Variants in NARS2 observed in about 807,000 individuals in gnomAD.
NARS2 encodes asparaginyl-tRNA synthetase 2, mitochondrial, also known as asparaginyl-tRNA synthetase.
A neutral mutation model predicts 62.9 loss-of-function variants in NARS2; 60 were observed. The observed-to-expected ratio is 0.95, with a 90% confidence interval of 0.77 to 1.18. The LOEUF is 1.18. NARS2 is among the 50% of genes most tolerant of loss of function. NARS2 has a pLI of 0.00. For missense variants in NARS2, 619 were observed against 576.4 expected, an observed-to-expected ratio of 1.07 and a Z score of -0.76; for synonymous variants, 196 against 200.0, an observed-to-expected ratio of 0.98 and a Z score of 0.17.
chr11:78,475,619 G>T (rs566387903), intron 9 of NARS2, among the ~76,000 whole-genome samples: 22 of 119,522 alleles, frequency 1.8e-4, no homozygotes, highest in African/African-American at 7.0e-4. Flanking sequence ...TTGAGACAAG[G>T]TCTTGCTCTG....
At chr11:78,559,735 C>A in intron 4 of NARS2, 116 bp from the exon 5 acceptor site, 1 of 663,734 alleles carries the variant, frequency 1.5e-6, no homozygotes, top group South Asian at 1.9e-5. Flanking sequence ...AAATCCCTCC[C>A]TAATCCCCTA....
chr11:78,473,372 T>C (rs918810783), intron 9 of NARS2, among the ~76,000 whole-genome samples: 1 of 152,248 alleles, frequency 6.6e-6, no homozygotes, highest in Non-Finnish European at 1.5e-5. Context: ...TTTGAACTTC[T>C]TGGGAATCTA....
In NARS2 at chr11:78,469,304, A is replaced by T. The variant is rs565224393; in HGVS notation, c.969T>A (p.Tyr323Ter). The change falls in exon 10 of 14, where the codon TAT (tyrosine) becomes TAA (stop). Residue 323 changes from tyrosine to a stop codon, truncating the protein, a stop_gained. Transcript: ENST00000281038. LOFTEE classifies it high-confidence loss of function. ...GCTTTAAGATCTCCACTGCTTCAGT[A>T]TAAGAAATGCTGGAGGAAAACAGGA... ...MLKNNFLIIS[Y>*]TEAVEILKQA... 5.0e-6 allele frequency: 8 copies of T among 1,613,016 alleles called. No individual in the cohort carries two copies. Among genetic ancestry groups the T allele is most frequent in the Non-Finnish European group, 6.8e-6 (8 of 1,179,098 alleles).
chr11:78,527,988 G>C (rs1381836338), intron 6 of NARS2, among the ~76,000 whole-genome samples: 1 of 152,136 alleles, frequency 6.6e-6, no homozygotes, highest in Non-Finnish European at 1.5e-5. Context: ...CACATGCCTT[G>C]AGTTCCAGTT....
intron 11 of NARS2, among the ~76,000 whole-genome samples, chr11:78,445,966 AT>A (rs1208523817): frequency 1.1e-4 from 16 of 152,112 alleles, no homozygotes; most frequent in African/African-American, 1.9e-4. Flanking sequence ...TCTCAAAAAA[AT>A]ATATATATAT....
chr11:78,472,450 T>C (rs1858916056), intron 9 of NARS2, among the ~76,000 whole-genome samples: 3 of 152,050 alleles, frequency 2.0e-5, no homozygotes, highest in Non-Finnish European at 4.4e-5. Flanking sequence ...CACACAAAGA[T>C]AAATGAAGAG....
At chr11:78,442,944 TC>T (rs1857619866) in intron 12 of NARS2, among the ~76,000 whole-genome samples, 1 of 152,190 alleles carries the variant, frequency 6.6e-6, no homozygotes, top group African/African-American at 2.4e-5. Flanking sequence ...CTTCATCCTT[TC>T]CCTGGCTCAG....
At chr11:78,522,432 T>A (rs1377526894) in intron 6 of NARS2, among the ~76,000 whole-genome samples, 1 of 152,224 alleles carries the variant, frequency 6.6e-6, no homozygotes, top group Non-Finnish European at 1.5e-5. Flanking sequence ...CAATGAGTCA[T>A]TCCACAAGAA....
chr11:78,553,679 G>A (rs1856216495), intron 5 of NARS2, among the ~76,000 whole-genome samples: 1 of 152,090 alleles, frequency 6.6e-6, no homozygotes, highest in South Asian at 2.1e-4. Context: ...TGCATAATTT[G>A]CAAATATTTT....
chr11:78,492,810 A>T (rs1859882586), intron 7 of NARS2, among the ~76,000 whole-genome samples: 1 of 152,218 alleles, frequency 6.6e-6, no homozygotes, highest in African/African-American at 2.4e-5. Context: ...TTTAGAGTTG[A>T]GGAACCTAAA....
chr11:78,494,041 C>T (rs1048902584), intron 6 of NARS2, among the ~76,000 whole-genome samples: 1 of 152,238 alleles, frequency 6.6e-6, no homozygotes, highest in Admixed American at 6.5e-5. Flanking sequence ...GACCACCTGT[C>T]TTTCAATCAA....
intron 6 of NARS2, among the ~76,000 whole-genome samples, chr11:78,520,215 C>A (rs940627190): frequency 2.0e-5 from 3 of 152,176 alleles, no homozygotes; most frequent in South Asian, 2.1e-4. Context: ...ATCAAAGTGC[C>A]AGCAAGGTTG....
At chr11:78,486,236 G>A (rs1328984694) in intron 7 of NARS2, among the ~76,000 whole-genome samples, 3 of 152,002 alleles carry the variant, frequency 2.0e-5, no homozygotes, top group Non-Finnish European at 4.4e-5. Context: ...ACAGTCACCT[G>A]GAAATGAATA....
chr11:78,506,301 T>C (rs1295726894), intron 6 of NARS2, among the ~76,000 whole-genome samples: 1 of 152,212 alleles, frequency 6.6e-6, no homozygotes. Context: ...TCTTACAAAG[T>C]TAAGCATTAA....
chr11:78,487,837 C>G (rs1351541222), intron 7 of NARS2, among the ~76,000 whole-genome samples: 1 of 152,092 alleles, frequency 6.6e-6, no homozygotes, highest in Non-Finnish European at 1.5e-5. Flanking sequence ...AATTCTATAT[C>G]CTGTGGAAGC....
At chr11:78,481,324 C>G (rs551438455) in intron 7 of NARS2, among the ~76,000 whole-genome samples, 14 of 152,218 alleles carry the variant, frequency 9.2e-5, no homozygotes, top group African/African-American at 3.4e-4. Flanking sequence ...TCACCTTGAG[C>G]CTGTATCACC....
At chr11:78,491,299 G>T (rs1391650033) in intron 7 of NARS2, among the ~76,000 whole-genome samples, 1 of 152,214 alleles carries the variant, frequency 6.6e-6, no homozygotes, top group East Asian at 1.9e-4. Context: ...CCCTAATAGG[G>T]ATAACCAAAA....
chr11:78,538,744 C>T (rs1855478279), intron 5 of NARS2, among the ~76,000 whole-genome samples: 1 of 151,714 alleles, frequency 6.6e-6, no homozygotes, highest in Non-Finnish European at 1.5e-5. Flanking sequence ...GCCTGTAATC[C>T]CAGCACTTTG....
At chr11:78,503,874 G>A (rs567366958) in intron 6 of NARS2, among the ~76,000 whole-genome samples, 74 of 152,272 alleles carry the variant, frequency 4.9e-4, no homozygotes, top group Non-Finnish European at 9.0e-4. Context: ...GAGGAAGAAT[G>A]GCATGCTCTG....
Sources: allele counts gnomAD v4.1 joint callset (sites outside exome capture counted in the v4.1 genomes callset), GRCh38; gene constraint gnomAD v4.1.1; transcripts MANE v1.5; gene names NCBI Gene and HGNC (gene_info 2026-07-23, HGNC 2026-07-21).